ROBO2: variants seen among roughly 807,000 people sequenced by gnomAD.
The protein encoded by ROBO2 is roundabout guidance receptor 2, also known as roundabout homolog 2.
A neutral mutation model predicts 160.8 loss-of-function variants in ROBO2; 53 were observed. That is an observed-to-expected ratio of 0.33 (90% confidence interval 0.26 to 0.41). The LOEUF (loss-of-function observed/expected upper bound fraction) is 0.41. Ranked by LOEUF, ROBO2 falls within the 10% of genes least tolerant of loss-of-function variation. The pLI is 1.00. For missense variants in ROBO2, 1,577 were observed against 1,722.4 expected (o/e 0.92, Z 1.49); for synonymous variants, 664 against 611.7 (o/e 1.09, Z -1.26).
chr3:76,194,345 G>GGTGTGT (rs201557774), intron 2 of ROBO2, among the ~76,000 whole-genome samples: 1 of 29,192 alleles, frequency 3.4e-5, no homozygotes, highest in African/African-American at 1.3e-4. Context: ...AAATATGTAT[G>GGTGTGT]GTGTGTAAAT....
At chr3:77,110,831 C>G (rs902985309) in intron 2 of ROBO2, among the ~76,000 whole-genome samples, 1 of 151,902 alleles carries the variant, frequency 6.6e-6, no homozygotes, top group Non-Finnish European at 1.5e-5. Flanking sequence ...GTAGCTTGTG[C>G]TACAGGCATG....
intron 2 of ROBO2, among the ~76,000 whole-genome samples, chr3:76,827,295 G>T (rs1444968064): frequency 6.6e-6 from 1 of 152,144 alleles, no homozygotes; most frequent in Non-Finnish European, 1.5e-5. Flanking sequence ...CATCAAGAAA[G>T]AAATGAATGA....
At chr3:76,990,081 T>A (rs2060584488) in intron 2 of ROBO2, among the ~76,000 whole-genome samples, 1 of 105,088 alleles carries the variant, frequency 9.5e-6, no homozygotes, top group Admixed American at 9.6e-5. Context: ...TATTGAAAAA[T>A]TATTTTTCTA....
chr3:76,752,248 T>C (rs1443660335), intron 2 of ROBO2, among the ~76,000 whole-genome samples: 1 of 140,574 alleles, frequency 7.1e-6, no homozygotes, highest in African/African-American at 2.7e-5. Flanking sequence ...TGAGAACACT[T>C]GGACACAAGG....
At chr3:77,253,434 A>T (rs868707528) in intron 2 of ROBO2, among the ~76,000 whole-genome samples, 2 of 152,194 alleles carry the variant, frequency 1.3e-5, no homozygotes, top group Non-Finnish European at 2.9e-5. Context: ...TAACCTGCAA[A>T]GTTTAATATT....
At chr3:77,047,261 A>G (rs1361817260) in intron 1 of ROBO2, among the ~76,000 whole-genome samples, 2 of 152,254 alleles carry the variant, frequency 1.3e-5, no homozygotes, top group South Asian at 4.1e-4. Context: ...CTACTGAGCA[A>G]TCACTACTGA....
intron 2 of ROBO2, among the ~76,000 whole-genome samples, chr3:76,860,980 C>A (rs1165881788): frequency 1.3e-5 from 2 of 152,148 alleles, no homozygotes; most frequent in Non-Finnish European, 2.9e-5. Context: ...CCTTATCAAA[C>A]TTTAGCCCGT....
At chr3:76,159,023 C>A (rs943559466) in intron 2 of ROBO2, among the ~76,000 whole-genome samples, 42 of 152,088 alleles carry the variant, frequency 2.8e-4, no homozygotes, top group Non-Finnish European at 5.9e-5. Context: ...GGTATTTAAA[C>A]CATTGCTCCC....
chr3:75,981,460 A>T (rs115788879), intron 2 of ROBO2, among the ~76,000 whole-genome samples: 1,901 of 151,552 alleles, frequency 0.013, 51 homozygotes, highest in African/African-American at 0.044. Flanking sequence ...TTCACAAAAA[A>T]TAACTCGTGA....
chr3:77,404,644 T>C (rs577514490), intron 2 of ROBO2, among the ~76,000 whole-genome samples: 2 of 152,138 alleles, frequency 1.3e-5, no homozygotes, highest in Non-Finnish European at 2.9e-5. Context: ...ACAGGGGACA[T>C]ATGGATATTC....
intron 2 of ROBO2, among the ~76,000 whole-genome samples, chr3:76,664,141 A>T (rs1466211433): frequency 2.0e-5 from 3 of 152,154 alleles, no homozygotes; most frequent in African/African-American, 7.2e-5. Context: ...GGCTTTGTGA[A>T]AATTAAACAG....
intron 2 of ROBO2, among the ~76,000 whole-genome samples, chr3:77,152,662 A>T (rs2077646569): frequency 6.6e-6 from 1 of 152,242 alleles, no homozygotes; most frequent in South Asian, 2.1e-4. Flanking sequence ...AAGTTACTGG[A>T]TGCACATTAA....
At chr3:76,832,003 A>G (rs1011850755) in intron 2 of ROBO2, among the ~76,000 whole-genome samples, 8 of 152,286 alleles carry the variant, frequency 5.3e-5, no homozygotes, top group Non-Finnish European at 1.0e-4. Context: ...AAGGGCAAAA[A>G]TCAATCCCTT....
intron 2 of ROBO2, among the ~76,000 whole-genome samples, chr3:76,539,915 G>A (rs2082724745): frequency 6.6e-6 from 1 of 152,178 alleles, no homozygotes; most frequent in Non-Finnish European, 1.5e-5. Flanking sequence ...AATGCATTAT[G>A]AAAAATTAAA....
rs183038611 is a variant in ROBO2, at chr3:76,261,442, G to T, written c.109+323840G>T. On this transcript the variant is annotated intron_variant, in intron 2 of 26. Coordinates refer to the ROBO2 transcript ENST00000487694. ...AGATAATACTATGTGCCATTTTTTT[G>T]GGGGGGAACTATACTTGCTCTCAGA... 1.3e-4 allele frequency among the ~76,000 whole-genome samples: 20 copies of T among 151,540 alleles called. No individual in the cohort carries two copies. In the East Asian group the frequency reaches 3.5e-3, roughly 27 times the overall value.
At position 76,297,810 on chromosome 3, in the gene ROBO2, G is replaced by A. The variant is rs370168752; in HGVS notation, c.109+360208G>A. 8.6e-5 allele frequency among the ~76,000 whole-genome samples: 13 copies of A among 151,618 alleles called. No individual in the cohort carries two copies. The South Asian group carries it at 2.7e-3, about 32-fold the overall frequency. The stretch of plus-strand genomic sequence containing the variant: ...AAAACATAAGCAAATGAAGAAGTGT[G>A]TTTAGAAGAGAAACTGTGTTTCAAT... On this transcript the variant is annotated intron_variant, in intron 2 of 26. Coordinates refer to the ROBO2 transcript ENST00000487694.
chr3:76,538,494 A>G (rs2082637014), intron 2 of ROBO2, among the ~76,000 whole-genome samples: 1 of 152,338 alleles, frequency 6.6e-6, no homozygotes, highest in African/African-American at 2.4e-5. Flanking sequence ...ATCACGTACC[A>G]TTGTTTAACT....
At chr3:76,499,306 G>A (rs1261641016) in intron 2 of ROBO2, among the ~76,000 whole-genome samples, 2 of 152,142 alleles carry the variant, frequency 1.3e-5, no homozygotes, top group African/African-American at 4.8e-5. Flanking sequence ...AAATATGGAT[G>A]CTACATATGA....
intron 2 of ROBO2, among the ~76,000 whole-genome samples, chr3:77,025,066 A>G (rs1197987066): frequency 6.6e-6 from 1 of 152,136 alleles, no homozygotes; most frequent in African/African-American, 2.4e-5. Flanking sequence ...GGAGACAAGG[A>G]GACAGGGTGG....
Sources: gnomAD v4.1 joint callset for allele counts (sites outside exome capture counted in the v4.1 genomes callset) on GRCh38, gnomAD v4.1.1 for gene constraint, MANE v1.5 for transcripts, NCBI Gene and HGNC (gene_info 2026-07-23, HGNC 2026-07-21) for gene names.